ADGRL1: variants seen among roughly 807,000 people sequenced by gnomAD.
The protein encoded by ADGRL1 is adhesion G protein-coupled receptor L1.
A neutral mutation model predicts 148.9 loss-of-function variants in ADGRL1; 31 were observed. That is an observed-to-expected ratio of 0.21 (90% confidence interval 0.16 to 0.28). The LOEUF (loss-of-function observed/expected upper bound fraction) is 0.28. ADGRL1 is among the 10% of genes least tolerant of loss of function. The pLI is 1.00. For synonymous variants in ADGRL1, 937 were observed against 900.3 expected, an observed-to-expected ratio of 1.04 and a Z score of -0.73; for missense variants, 1,521 against 2,058.8, an observed-to-expected ratio of 0.74 and a Z score of 5.05.
At chr19:14,156,807 C>T (rs1376403466) in intron 15 of ADGRL1, 83 bp from the exon 16 acceptor site, 37 of 1,528,648 alleles carry the variant, frequency 2.4e-5, no homozygotes, top group Non-Finnish European at 8.9e-7. Flanking sequence ...ACTCTGCAGG[C>T]TGCAGCCTCT....
chr19:14,156,563 GT>G (rs1336033184), intron 16 of ADGRL1, 94 bp downstream of exon 16: 50 of 823,578 alleles, frequency 6.1e-5, no homozygotes, highest in Middle Eastern at 3.5e-4. Context: ...GTGTGTGTGT[GT>G]GTGGGGGGGG....
intron 18 of ADGRL1, among the ~76,000 whole-genome samples, chr19:14,154,596 ATG>A (rs1968537532): frequency 6.9e-6 from 1 of 145,400 alleles, no homozygotes; most frequent in Non-Finnish European, 1.5e-5. Context: ...AGCCCTTTGT[ATG>A]TGTGGTTTTT....
At chr19:14,190,177 G>A (rs974675449) in intron 1 of ADGRL1, among the ~76,000 whole-genome samples, 3 of 152,040 alleles carry the variant, frequency 2.0e-5, no homozygotes, top group Non-Finnish European at 2.9e-5. Flanking sequence ...TGCCTGCCTC[G>A]GCCTCCCAAA....
rs1239069296 is a variant in ADGRL1 at position 14,167,857 on chromosome 19, T to C, written c.394+2825A>G. ...CCCAGGGGCAAGTCTGAGGCTCGGC[T>C]TCTCTGCTCAACCCACCCAGGGCCC... is the stretch of plus-strand genomic sequence containing the variant. On this transcript the variant is annotated intron_variant, in intron 4 of 22. Transcript: ENST00000361434. Among the ~76,000 whole-genome samples the C allele has an allele frequency of 2.6e-5, 4 of 151,962 alleles. No homozygotes were observed. The East Asian group carries it at 7.8e-4, about 29-fold the overall frequency.
At chr19:14,154,748 G>A (rs1283604539) in intron 18 of ADGRL1, among the ~76,000 whole-genome samples, 1 of 151,914 alleles carries the variant, frequency 6.6e-6, no homozygotes, top group East Asian at 1.9e-4. Context: ...CCAAGTAGCT[G>A]GGACTACAGG....
chr19:14,203,678 CTGG>C (rs1972765365), intron 1 of ADGRL1, among the ~76,000 whole-genome samples: 1 of 152,206 alleles, frequency 6.6e-6, no homozygotes. Context: ...GGAATAGAAG[CTGG>C]GCTTCGAGTC....
At chr19:14,203,981 G>A (rs1384978575) in intron 1 of ADGRL1, among the ~76,000 whole-genome samples, 2 of 152,170 alleles carry the variant, frequency 1.3e-5, no homozygotes, top group Non-Finnish European at 2.9e-5. Flanking sequence ...AAGACCAGCA[G>A]GAGGGCCGGG....
At position 14,160,132 on chromosome 19, in the gene ADGRL1, C is replaced by T; in HGVS notation, c.1780G>A (p.Ala594Thr). ...QALRPIERES[A>T]GKNYNKMHKR... The stretch of plus-strand genomic sequence containing the variant: ...CCCACCTTGTTGTAGTTCTTGCCGG[C>T]TGACTCGCGCTCGATGGGCCGCAGG... The change falls in exon 8 of 23, where the codon GCC becomes ACC. Residue 594 changes from alanine (A) to threonine (T), a missense_variant. By Grantham distance (58) the Ala-to-Thr change is moderately conservative. Around this residue, in one of 8 missense-constraint regions of ADGRL1, gnomAD observed 265 missense variants for 431.9 expected, o/e 0.61. Transcript: ENST00000361434. This position sits in a 1 kb window ranked among gnomAD's most constrained non-coding sequence, Gnocchi z 5.9. The T allele has an allele frequency of 6.3e-7, 1 of 1,586,270 alleles. No individual in the cohort carries two copies. Among genetic ancestry groups the T allele is most frequent in the African/African-American group, 1.3e-5 (1 of 74,542 alleles).
In ADGRL1 at chr19:14,151,101, G is replaced by T; in HGVS notation, c.4182C>A (p.Asp1394Glu). Residue 1394 changes from aspartate to glutamate, a missense_variant, in exon 23 of 23, where the codon GAC (aspartate) becomes GAA (glutamate). Transcript: ENST00000361434. ...ANLRDSPSYP[D>E]SSPEGPSEAL... ...CCTCACTGGGCCCCTCAGGGCTGCT[G>T]TCCGGGTAGGAGGGTGAGTCCCGCA... 6.5e-7 allele frequency: 1 copy of T among 1,541,636 alleles called. No homozygotes were observed. Among genetic ancestry groups the T allele is most frequent in the Non-Finnish European group, 8.7e-7 (1 of 1,145,670 alleles).
rs367957661 is a variant in ADGRL1 at position 14,170,758 on chromosome 19, G to C, written c.318C>G (p.Ala106=). The C allele has an allele frequency of 6.2e-7, 1 of 1,612,170 alleles. No homozygotes were observed. The highest frequency in any genetic ancestry group is 1.1e-5 in the South Asian group (1 of 90,936). The part of the protein sequence containing the change: ...CNNRTQCVVV[A]GSDAFPDPCP... ...AGGGGTCAGGAAAGGCATCCGAGCC[G>C]GCGACCACCACGCACTGGGTGCGGT... The change falls in exon 4 of 23, where the codon GCC becomes GCG. Residue 106 remains alanine (A), a synonymous_variant. Transcript: ENST00000361434.
At chr19:14,205,551 G>A (rs917326162) in intron 1 of ADGRL1, among the ~76,000 whole-genome samples, 13 of 151,152 alleles carry the variant, frequency 8.6e-5, no homozygotes, top group East Asian at 2.0e-4. Context: ...CACCCCCTCC[G>A]CTCACACCCA....
chr19:14,163,513 A>G, intron 4 of ADGRL1, 107 bp from the exon 5 acceptor site: 2 of 827,512 alleles, frequency 2.4e-6, no homozygotes, highest in African/African-American at 1.9e-5. Flanking sequence ...GAGAGAGGCA[A>G]GTTGGTCACG....
intron 2 of ADGRL1, among the ~76,000 whole-genome samples, chr19:14,182,586 A>C (rs1971274568): frequency 6.6e-6 from 1 of 152,046 alleles, no homozygotes; most frequent in African/African-American, 2.4e-5. Flanking sequence ...CGGGGGGAAC[A>C]TTTCACATGT....
chr19:14,183,910 C>A (rs1483583630), intron 1 of ADGRL1, among the ~76,000 whole-genome samples: 1 of 152,182 alleles, frequency 6.6e-6, no homozygotes, highest in Admixed American at 6.5e-5. Context: ...CACCTCTGGG[C>A]AAAGAGACTG....
intron 1 of ADGRL1, among the ~76,000 whole-genome samples, chr19:14,205,648 C>A (rs1462277110): frequency 6.6e-6 from 1 of 151,298 alleles, no homozygotes; most frequent in African/African-American, 2.4e-5. Flanking sequence ...CCCACAAAGG[C>A]TGGCGCGCGC....
At chr19:14,189,225 T>A (rs1462762860) in intron 1 of ADGRL1, among the ~76,000 whole-genome samples, 2 of 151,328 alleles carry the variant, frequency 1.3e-5, no homozygotes, top group Admixed American at 6.6e-5. Flanking sequence ...TTTTTTTTTT[T>A]TTTTTTCCCA....
At chr19:14,178,721 A>G (rs957093358) in intron 2 of ADGRL1, among the ~76,000 whole-genome samples, 2 of 152,064 alleles carry the variant, frequency 1.3e-5, no homozygotes, top group African/African-American at 4.8e-5. Context: ...TCCCTTTTCT[A>G]TGTTGCCCAA....
chr19:14,151,065 T>TGGGGGGGGGGGGGGGGG lies in ADGRL1; in HGVS notation c.4217_4218insCCCCCCCCCCCCCCCCC (p.Ala1410ProfsTer124). ...GGGGGCCGGGGGGTGCGGGAGGGGG[T>TGGGGGGGGGGGGGGGGG]GGGGGCAGGGCCTCACTGGGCCCCT... On this transcript the variant is annotated frameshift_variant, in exon 23 of 23. Transcript: ENST00000361434. LOFTEE classifies it high-confidence loss of function. The TGGGGGGGGGGGGGGGGG allele has an allele frequency of 4.4e-6, 1 of 227,604 alleles. No individual in the cohort carries two copies. The highest frequency in any genetic ancestry group is 9.3e-5 in the Admixed American group (1 of 10,758). 14.1% of individuals were successfully genotyped at this position (227,604 alleles called of 1,614,324 possible). A position where few individuals can be genotyped will look rare whatever the true frequency, so the allele number is the denominator to read the frequency against.
At chr19:14,193,235 G>C (rs1484416977) in intron 1 of ADGRL1, among the ~76,000 whole-genome samples, 1 of 150,086 alleles carries the variant, frequency 6.7e-6, no homozygotes, top group Non-Finnish European at 1.5e-5. Context: ...GCCTCTGGAG[G>C]GGGAGGATTG....
Sources: gnomAD v4.1 joint callset for allele counts (sites outside exome capture counted in the v4.1 genomes callset) on GRCh38, gnomAD v4.1.1 for gene constraint, gnomAD v4.1.1 regional missense constraint, Gnocchi (gnomAD v3.1) non-coding constraint, MANE v1.5 for transcripts, NCBI Gene and HGNC (gene_info 2026-07-23, HGNC 2026-07-21) for gene names.